IDO2: variants seen among roughly 807,000 people sequenced by gnomAD.
IDO2 encodes indoleamine 2,3-dioxygenase 2, also known as indoleamine 2,3-dioxygenase-like 1 protein.
A neutral mutation model predicts 45.1 loss-of-function variants in IDO2; 46 were observed. The observed-to-expected ratio is 1.02, with a 90% CI of 0.80 to 1.30. The LOEUF is 1.30. IDO2 is among the 50% of genes most tolerant of loss of function. IDO2 has a pLI of 0.00. For synonymous variants in IDO2, 218 were observed against 184.9 expected (o/e 1.18, Z -1.45); for missense variants, 544 against 491.8 (o/e 1.11, Z -1.00).
rs748089347 is a variant in IDO2, at chr8:39,949,159, C to A, written c.-7C>A. 3.8e-5 allele frequency: 61 copies of A among 1,603,512 alleles called. No individual in the cohort carries two copies. In the Middle Eastern group the frequency reaches 9.9e-4, roughly 26 times the overall value. On this transcript the variant is annotated 5_prime_UTR_variant, in exon 2 of 11. Coordinates refer to ENST00000502986, the Ensembl canonical transcript of IDO2. ...ACACTTTCCATGCAGATACTTCAAA[C>A]AAAATAATGGAGCCCCACAGACCGA... is the stretch of plus-strand genomic sequence containing the variant.
intron 6 of IDO2, chr8:39,986,928 G>A (rs1028947559): frequency 6.0e-5 from 9 of 151,078 alleles, no homozygotes; most frequent in Non-Finnish European, 8.8e-5. Flanking sequence ...AGGCTGGAGT[G>A]CAGTGGTGTC....
intron 2 of IDO2, among the ~76,000 whole-genome samples, chr8:39,952,800 G>A (rs536803112): frequency 6.1e-4 from 92 of 151,282 alleles, no homozygotes; most frequent in African/African-American, 2.1e-3. Context: ...TTGAGATGGC[G>A]TCTTGTACCC....
chr8:39,944,264 G>A (rs529780133), intron 1 of IDO2, among the ~76,000 whole-genome samples: 2 of 47,418 alleles, frequency 4.2e-5, no homozygotes, highest in Non-Finnish European at 1.3e-4. Context: ...ATATTATTAC[G>A]CAAGGATCCA....
At chr8:39,996,556 A>G (rs567094301) in intron 8 of IDO2, among the ~76,000 whole-genome samples, 1 of 152,198 alleles carries the variant, frequency 6.6e-6, no homozygotes, top group African/African-American at 2.4e-5. Flanking sequence ...TCTTGGTGGT[A>G]GTGGTCCCCC....
chr8:39,940,928 T>TGAA (rs1304307596), intron 1 of IDO2, among the ~76,000 whole-genome samples: 5 of 86,348 alleles, frequency 5.8e-5, no homozygotes, highest in African/African-American at 2.3e-4. Flanking sequence ...CAAATAAAAT[T>TGAA]GAAAAAAAAA....
At chr8:40,013,757 G>C (rs1563444285) in intron 10 of IDO2, 44 bp downstream of exon 10, 1 of 1,323,888 alleles carries the variant, frequency 7.6e-7, no homozygotes, top group East Asian at 2.6e-5. Context: ...GAGGGAGGAA[G>C]AGGAGAGGTG....
At chr8:39,949,320 TG>T (rs1807782225) in intron 2 of IDO2, 56 bp downstream of exon 2, 1 of 1,386,202 alleles carries the variant, frequency 7.2e-7, no homozygotes, top group African/African-American at 1.5e-5. Context: ...AGATGTTGGT[TG>T]GTTTGTTTTT....
rs140263363 is a variant in IDO2 at position 40,015,189 on chromosome 8, C to T, written c.869-58C>T. The T allele has an allele frequency of 1.8e-4, 183 of 990,804 alleles. No homozygotes were observed. In the East Asian group the frequency reaches 2.0e-3, roughly 11 times the overall value. 61.4% of individuals were successfully genotyped at this position (990,804 alleles called of 1,614,324 possible). A position where few individuals can be genotyped will look rare whatever the true frequency, so the allele number is the denominator to read the frequency against. On this transcript the variant is annotated intron_variant, in intron 10 of 10. Transcript: ENST00000502986. ...AAAATAAAAAAGAAGAAGAAGCAGA[C>T]GAGCTCTGCTATATTTCCATGTGGA...
exon 2 of IDO2, chr8:39,949,154 T>C (rs775639608): frequency 6.2e-7 from 1 of 1,601,938 alleles, no homozygotes; most frequent in Admixed American, 1.7e-5. Context: ...TGCAGATACT[T>C]CAAACAAAAT....
intron 1 of IDO2, among the ~76,000 whole-genome samples, chr8:39,936,435 G>T (rs1254647712): frequency 6.6e-6 from 1 of 152,148 alleles, no homozygotes; most frequent in Non-Finnish European, 1.5e-5. Flanking sequence ...ACCCCCAAAA[G>T]TCAAGGAGGC....
intron 4 of IDO2, among the ~76,000 whole-genome samples, chr8:39,980,905 A>C (rs1372297587): frequency 6.6e-6 from 1 of 151,702 alleles, no homozygotes; most frequent in Non-Finnish European, 1.5e-5. Context: ...ACCTGCCGCC[A>C]CGGCCAGCTA....
chr8:39,994,931 T>TGTTA (rs1802010622), intron 8 of IDO2, among the ~76,000 whole-genome samples: 1 of 152,124 alleles, frequency 6.6e-6, no homozygotes, highest in African/African-American at 2.4e-5. Context: ...TTATCTAAGC[T>TGTTA]TAGTTTACTG....
intron 9 of IDO2, among the ~76,000 whole-genome samples, chr8:40,007,749 G>A: frequency 6.6e-6 from 1 of 152,120 alleles, no homozygotes; most frequent in Admixed American, 6.5e-5. Flanking sequence ...AAAACAATAT[G>A]CATTCATTGT....
At chr8:40,015,474 A>G in exon 11 of IDO2, 1 of 1,613,950 alleles carries the variant, frequency 6.2e-7, no homozygotes, top group Non-Finnish European at 8.5e-7. Context: ...AAAGCATGGG[A>G]AGCCAAACCA....
intron 2 of IDO2, among the ~76,000 whole-genome samples, chr8:39,956,063 T>G (rs1308384030): frequency 1.3e-5 from 2 of 149,146 alleles, no homozygotes; most frequent in African/African-American, 5.0e-5. Flanking sequence ...AGATGACTTT[T>G]TTTTTTTTTT....
intron 8 of IDO2, among the ~76,000 whole-genome samples, chr8:39,991,095 A>T (rs903505757): frequency 2.0e-5 from 3 of 152,206 alleles, no homozygotes; most frequent in African/African-American, 7.2e-5. Flanking sequence ...AGGTACTGCC[A>T]AGCTTTATTA....
intron 3 of IDO2, among the ~76,000 whole-genome samples, chr8:39,969,372 A>C (rs79682491): frequency 0.081 from 12,355 of 152,144 alleles, 998 homozygotes; most frequent in East Asian, 0.31. Context: ...AAGGTGCCAT[A>C]AACTGTGCCC....
intron 9 of IDO2, among the ~76,000 whole-genome samples, chr8:40,010,064 C>T (rs1189877972): frequency 6.6e-6 from 1 of 151,932 alleles, no homozygotes; most frequent in African/African-American, 2.4e-5. Flanking sequence ...AATTAATACA[C>T]AAGTAAATCT....
intron 3 of IDO2, among the ~76,000 whole-genome samples, chr8:39,976,334 G>C (rs1808259380): frequency 6.6e-6 from 1 of 152,028 alleles, no homozygotes; most frequent in Non-Finnish European, 1.5e-5. Flanking sequence ...TATAAATAGC[G>C]AGGAAATAAC....
Sources: gnomAD v4.1 joint callset for allele counts (sites outside exome capture counted in the v4.1 genomes callset) on GRCh38, gnomAD v4.1.1 for gene constraint, MANE v1.5 for transcripts, NCBI Gene and HGNC (gene_info 2026-07-23, HGNC 2026-07-21) for gene names.